Variants in MSRA observed in about 807,000 individuals in gnomAD.
MSRA encodes the protein mitochondrial peptide methionine sulfoxide reductase.
In MSRA, 54 loss-of-function variants were observed where a neutral mutation model predicts 31.3. The ratio of observed to expected loss-of-function variants is 1.73; its 90% CI spans 1.39 to 2.17. The LOEUF is 2.17. MSRA is among the 30% of genes most tolerant of loss of function. The probability of loss-of-function intolerance (pLI) is 0.00; values close to 1 mark genes in which losing one functional copy is unlikely to be tolerated. For synonymous variants in MSRA, 169 were observed against 116.5 expected (o/e 1.45, Z -2.90); for missense variants, 507 against 300.9 (o/e 1.69, Z -5.07).
chr8:10,137,618 A>G (rs539837723), intron 1 of MSRA, among the ~76,000 whole-genome samples: 66 of 152,296 alleles, frequency 4.3e-4, no homozygotes, highest in African/African-American at 1.5e-3. Flanking sequence ...AAAATAGCGA[A>G]TGCTGTGGTT....
intron 2 of MSRA, among the ~76,000 whole-genome samples, chr8:10,216,498 G>C (rs1381402866): frequency 1.3e-5 from 2 of 152,040 alleles, no homozygotes; most frequent in Non-Finnish European, 2.9e-5. Context: ...ACATTGTTTT[G>C]TACCCATCAC....
chr8:10,336,095 C>T (rs748442225), intron 5 of MSRA, among the ~76,000 whole-genome samples: 2 of 152,136 alleles, frequency 1.3e-5, no homozygotes, highest in Admixed American at 1.3e-4. Context: ...CTTCTCATTC[C>T]GTATCTTGCC....
At chr8:10,427,765 C>T (rs1809274143) in intron 5 of MSRA, among the ~76,000 whole-genome samples, 1 of 152,170 alleles carries the variant, frequency 6.6e-6, no homozygotes, top group South Asian at 2.1e-4. Context: ...ATCCATTTAC[C>T]CTCGGGGACA....
At chr8:10,134,527 C>G (rs2129027455) in intron 1 of MSRA, among the ~76,000 whole-genome samples, 1 of 152,354 alleles carries the variant, frequency 6.6e-6, no homozygotes, top group East Asian at 1.9e-4. Context: ...AAGGCACTGT[C>G]AGCATGTGCT....
intron 1 of MSRA, among the ~76,000 whole-genome samples, chr8:10,128,885 G>A (rs916032734): frequency 6.6e-6 from 1 of 152,132 alleles, no homozygotes; most frequent in African/African-American, 2.4e-5. Context: ...TTATATATTA[G>A]GTTGATTTTT....
intron 3 of MSRA, among the ~76,000 whole-genome samples, chr8:10,257,568 A>G (rs1400860475): frequency 1.3e-5 from 2 of 151,988 alleles, no homozygotes; most frequent in Non-Finnish European, 2.9e-5. Flanking sequence ...CACCGCGCCC[A>G]AGTAGTTTTT....
At chr8:10,268,990 A>G (rs1340547861) in intron 3 of MSRA, among the ~76,000 whole-genome samples, 1 of 152,246 alleles carries the variant, frequency 6.6e-6, no homozygotes. Flanking sequence ...ACAGATAGAT[A>G]AGGCATAGCC....
chr8:10,207,225 G>A (rs1304601466), intron 1 of MSRA, among the ~76,000 whole-genome samples: 1 of 152,180 alleles, frequency 6.6e-6, no homozygotes, highest in African/African-American at 2.4e-5. Flanking sequence ...AAGGGTGACT[G>A]GTTAGGAGGA....
chr8:10,190,289 T>C (rs995064995), intron 1 of MSRA, among the ~76,000 whole-genome samples: 2 of 152,156 alleles, frequency 1.3e-5, no homozygotes, highest in African/African-American at 4.8e-5. Flanking sequence ...GGTGGTAATG[T>C]TTCTGCAGCC....
At chr8:10,215,198 C>G (rs1048760242) in intron 2 of MSRA, among the ~76,000 whole-genome samples, 1 of 152,112 alleles carries the variant, frequency 6.6e-6, no homozygotes, top group Non-Finnish European at 1.5e-5. Context: ...AAGTAAGAAC[C>G]AGAAAGTGAA....
At chr8:10,077,983 G>T (rs1332168479) in intron 1 of MSRA, among the ~76,000 whole-genome samples, 3 of 151,948 alleles carry the variant, frequency 2.0e-5, no homozygotes, top group African/African-American at 7.3e-5. Context: ...TTTCAGTTTT[G>T]TGCTTAATTC....
At chr8:10,290,750 CAGT>C (rs1800190116) in intron 3 of MSRA, among the ~76,000 whole-genome samples, 1 of 152,190 alleles carries the variant, frequency 6.6e-6, no homozygotes, top group Non-Finnish European at 1.5e-5. Flanking sequence ...TGGTATAATT[CAGT>C]AGCATCAAGG....
At chr8:10,165,524 G>T (rs1361643625) in intron 1 of MSRA, among the ~76,000 whole-genome samples, 2 of 152,326 alleles carry the variant, frequency 1.3e-5, no homozygotes, top group East Asian at 1.9e-4. Flanking sequence ...ACCAGGCTGG[G>T]TGGGGAGAGG....
chr8:10,168,006 A>G (rs1805289749), intron 1 of MSRA, among the ~76,000 whole-genome samples: 1 of 152,114 alleles, frequency 6.6e-6, no homozygotes, highest in Admixed American at 6.5e-5. Flanking sequence ...ACTGTTTCTG[A>G]TCTTTATGAG....
intron 5 of MSRA, among the ~76,000 whole-genome samples, chr8:10,405,410 A>G (rs960444378): frequency 1.4e-4 from 22 of 152,202 alleles, no homozygotes; most frequent in African/African-American, 5.1e-4. Flanking sequence ...GATGGTCGCC[A>G]AGTCACTGCT....
At chr8:10,169,583 CAAA>C (rs1805426772) in intron 1 of MSRA, among the ~76,000 whole-genome samples, 2 of 151,986 alleles carry the variant, frequency 1.3e-5, no homozygotes, top group African/African-American at 4.8e-5. Flanking sequence ...AGATAAGACA[CAAA>C]AACCAGAAGC....
chr8:10,154,447 G>A (rs574911931), intron 1 of MSRA, among the ~76,000 whole-genome samples: 1 of 151,636 alleles, frequency 6.6e-6, no homozygotes, highest in Admixed American at 6.6e-5. Flanking sequence ...GCACAATCTC[G>A]GCTCACTGCA....
At chr8:10,366,388 G>T (rs1164087276) in intron 5 of MSRA, among the ~76,000 whole-genome samples, 1 of 152,280 alleles carries the variant, frequency 6.6e-6, no homozygotes, top group African/African-American at 2.4e-5. Flanking sequence ...GGCTGGGCAG[G>T]GCACTGCGTG....
chr8:10,351,332 C>T (rs1804133130), intron 5 of MSRA, among the ~76,000 whole-genome samples: 1 of 140,604 alleles, frequency 7.1e-6, no homozygotes, highest in Admixed American at 7.8e-5. Flanking sequence ...TGGCTCACTG[C>T]AACCTCTGCC....
Sources: gnomAD v4.1 joint callset for allele counts (sites outside exome capture counted in the v4.1 genomes callset) on GRCh38, gnomAD v4.1.1 for gene constraint, MANE v1.5 for transcripts, NCBI Gene and HGNC (gene_info 2026-07-23, HGNC 2026-07-21) for gene names.